Variants in CTNNA2 observed in about 807,000 individuals in gnomAD.
CTNNA2 encodes catenin alpha 2.
CTNNA2 carries 42 observed loss-of-function variants against 101.0 expected under a neutral mutation model. The observed-to-expected ratio is 0.42, with a 90% confidence interval of 0.32 to 0.54. CTNNA2 has a LOEUF of 0.54. Ranked by LOEUF, CTNNA2 falls within the 20% of genes least tolerant of loss-of-function variation. The pLI is 0.14. For missense variants in CTNNA2, 871 were observed against 1,223.1 expected, an observed-to-expected ratio of 0.71 and a Z score of 4.29; for synonymous variants, 450 against 456.4, an observed-to-expected ratio of 0.99 and a Z score of 0.18.
intron 2 of CTNNA2, among the ~76,000 whole-genome samples, chr2:79,242,969 A>AATATATATATATATATATATATATATAT (rs137898899): frequency 7.2e-4 from 92 of 127,276 alleles, no homozygotes; most frequent in Non-Finnish European, 1.1e-3. Context: ...CCTGTCTCGA[A>AATATATATATATATATATATATATATAT]ATATATATAT....
At chr2:80,525,321 T>G (rs1689940659) in intron 9 of CTNNA2, among the ~76,000 whole-genome samples, 1 of 152,074 alleles carries the variant, frequency 6.6e-6, no homozygotes, top group Non-Finnish European at 1.5e-5. Flanking sequence ...GCCTGGCAGC[T>G]GGAGTCTCAT....
chr2:80,284,909 C>T (rs1024038644), intron 7 of CTNNA2, among the ~76,000 whole-genome samples: 8 of 152,216 alleles, frequency 5.3e-5, no homozygotes, highest in African/African-American at 1.9e-4. Context: ...TGGATCCCCC[C>T]AGCTAGACTG....
intron 3 of CTNNA2, among the ~76,000 whole-genome samples, chr2:79,797,957 C>T (rs373795882): frequency 2.6e-5 from 4 of 152,044 alleles, no homozygotes; most frequent in Admixed American, 6.5e-5. Flanking sequence ...CTGCATCCCT[C>T]TTACTGACAC....
At chr2:80,546,270 T>A (rs917285711) in intron 11 of CTNNA2, among the ~76,000 whole-genome samples, 1 of 152,210 alleles carries the variant, frequency 6.6e-6, no homozygotes, top group African/African-American at 2.4e-5. Context: ...GTCAAGGCAT[T>A]AAAAAGGAAT....
chr2:79,481,634 A>T (rs989164883), intron 4 of CTNNA2, among the ~76,000 whole-genome samples: 1 of 152,214 alleles, frequency 6.6e-6, no homozygotes, highest in African/African-American at 2.4e-5. Context: ...GGAAACTTGT[A>T]GAGGTGCTAG....
At chr2:80,491,360 G>T (rs1687044345) in intron 9 of CTNNA2, among the ~76,000 whole-genome samples, 1 of 152,176 alleles carries the variant, frequency 6.6e-6, no homozygotes, top group Admixed American at 6.5e-5. Flanking sequence ...TGGGAGAACG[G>T]CATGATCACC....
chr2:79,721,805 C>T (rs1573787270), intron 2 of CTNNA2, among the ~76,000 whole-genome samples: 1 of 152,218 alleles, frequency 6.6e-6, no homozygotes, highest in African/African-American at 2.4e-5. Flanking sequence ...GTACTGCCAC[C>T]ATTGTGCATT....
chr2:79,896,414 C>T (rs1336674575), intron 6 of CTNNA2, among the ~76,000 whole-genome samples: 3 of 152,314 alleles, frequency 2.0e-5, no homozygotes, highest in Admixed American at 6.5e-5. Context: ...ACATATCTAA[C>T]TAAAAGGCCA....
At chr2:80,418,884 T>C (rs1198534380) in intron 8 of CTNNA2, among the ~76,000 whole-genome samples, 2 of 152,200 alleles carry the variant, frequency 1.3e-5, no homozygotes, top group African/African-American at 4.8e-5. Context: ...TGAAGAATAA[T>C]TATAAGTATT....
rs746882674 is a variant in CTNNA2 at position 80,303,702 on chromosome 2, G to A, written c.1057-89509G>A. On this transcript the variant is annotated intron_variant, in intron 7 of 18. Transcript: ENST00000402739. The surrounding 1 kb of genome is among the most constrained non-coding windows in gnomAD (Gnocchi z 7.7). ...CGCCCCTCGCACCGGCACAGCTGCG[G>A]GCACCCGCTGGGGGCGGCGGGCAGC... 5 of 1,609,736 alleles carry A rather than the reference G, an allele frequency of 3.1e-6. No individual in the cohort carries two copies. Among genetic ancestry groups the A allele is most frequent in the Non-Finnish European group, 4.2e-6 (5 of 1,177,806 alleles).
rs568106623 is a variant in CTNNA2 at position 80,377,330 on chromosome 2, A to G, written c.1057-15881A>G. Among the ~76,000 whole-genome samples the G allele has an allele frequency of 3.9e-5, 6 of 152,340 alleles. No individual in the cohort carries two copies. In the South Asian group the frequency reaches 1.2e-3, roughly 32 times the overall value. On this transcript the variant is annotated intron_variant, in intron 7 of 18. Transcript: ENST00000402739. ...AAGCTTACTATCACAAGAGGAAAAG[A>G]TCAGGGTAAGGAATTTGCTTATTGG...
At chr2:79,538,350 T>G (rs1673199972) in intron 1 of CTNNA2, among the ~76,000 whole-genome samples, 1 of 145,542 alleles carries the variant, frequency 6.9e-6, no homozygotes, top group South Asian at 2.1e-4. Context: ...GCTGTTATGA[T>G]TTTTTTCTCT....
At chr2:80,439,033 T>C (rs1466141209) in intron 9 of CTNNA2, among the ~76,000 whole-genome samples, 1 of 152,218 alleles carries the variant, frequency 6.6e-6, no homozygotes, top group Non-Finnish European at 1.5e-5. Context: ...CTCTTTTTGA[T>C]AATAAAATAT....
intron 2 of CTNNA2, among the ~76,000 whole-genome samples, chr2:79,730,769 A>G (rs1229904386): frequency 6.6e-6 from 1 of 151,992 alleles, no homozygotes; most frequent in Admixed American, 6.6e-5. Context: ...GGTAGAGTGT[A>G]CTCACATACG....
intron 9 of CTNNA2, among the ~76,000 whole-genome samples, chr2:80,449,811 G>C (rs1238738348): frequency 2.6e-5 from 4 of 152,150 alleles, no homozygotes; most frequent in Non-Finnish European, 4.4e-5. Context: ...TATGTGCTTG[G>C]TGTGTAGCCA....
rs1356572390 is a variant in CTNNA2, at chr2:80,608,639, G to A, written c.2430+321G>A. 3.0e-5 allele frequency: 6 copies of A among 203,296 alleles called. No individual in the cohort carries two copies. The South Asian group carries it at 6.3e-4, about 21-fold the overall frequency. 12.6% of individuals were successfully genotyped at this position (203,296 alleles called of 1,614,324 possible). A position where few individuals can be genotyped will look rare whatever the true frequency, so the allele number is the denominator to read the frequency against. ...GCTTTTGTATATTTACTCATTGTGAGTCTACTTCCTTTTGTTAGTCCTAGT... is the reference window on the plus strand; with the variant it reads ...GCTTTTGTATATTTACTCATTGTGAATCTACTTCCTTTTGTTAGTCCTAGT... On this transcript the variant is annotated intron_variant, in intron 17 of 18. Transcript: ENST00000402739.
chr2:80,587,535 T>C (rs898589114), intron 14 of CTNNA2, among the ~76,000 whole-genome samples: 4 of 152,184 alleles, frequency 2.6e-5, no homozygotes, highest in Non-Finnish European at 5.9e-5. Context: ...TCTGAAGAGA[T>C]CAACGATAGA....
At chr2:80,073,797 ATGT>A (rs1698509139) in intron 7 of CTNNA2, among the ~76,000 whole-genome samples, 1 of 151,224 alleles carries the variant, frequency 6.6e-6, no homozygotes, top group Non-Finnish European at 1.5e-5. Flanking sequence ...CATATCACAT[ATGT>A]TGTTTTATAA....
At chr2:79,853,659 T>C (rs1680900782) in intron 3 of CTNNA2, among the ~76,000 whole-genome samples, 1 of 130,694 alleles carries the variant, frequency 7.7e-6, no homozygotes, top group South Asian at 2.5e-4. Flanking sequence ...TTTTTTCCTT[T>C]TATTATTTTT....
Sources: allele counts gnomAD v4.1 joint callset (sites outside exome capture counted in the v4.1 genomes callset), GRCh38; gene constraint gnomAD v4.1.1; non-coding constraint Gnocchi (gnomAD v3.1); transcripts MANE v1.5; gene names NCBI Gene and HGNC (gene_info 2026-07-23, HGNC 2026-07-21).